Variants in PTPRJ observed in about 807,000 individuals in gnomAD.
PTPRJ encodes the protein receptor-type tyrosine-protein phosphatase eta.
A neutral mutation model predicts 141.3 loss-of-function variants in PTPRJ; 129 were observed. The ratio of observed to expected loss-of-function variants is 0.91; its 90% CI spans 0.79 to 1.06. The LOEUF (loss-of-function observed/expected upper bound fraction) is 1.06. Ranked by LOEUF, PTPRJ falls within the 50% of genes least tolerant of loss-of-function variation. The pLI is 0.00. For missense variants in PTPRJ, 1,601 were observed against 1,679.7 expected (o/e 0.95, Z 0.82); for synonymous variants, 610 against 640.5 (o/e 0.95, Z 0.72).
chr11:48,085,987 G>A (rs1855695985), intron 1 of PTPRJ, among the ~76,000 whole-genome samples: 1 of 152,046 alleles, frequency 6.6e-6, no homozygotes, highest in African/African-American at 2.4e-5. Context: ...GTAAGAAAAT[G>A]GGTTGAGTCT....
intron 1 of PTPRJ, among the ~76,000 whole-genome samples, chr11:48,038,584 C>T (rs542927031): frequency 1.3e-5 from 2 of 151,992 alleles, no homozygotes; most frequent in South Asian, 2.1e-4. Context: ...CTCCGCCTCC[C>T]GGATTCAAGT....
intron 1 of PTPRJ, among the ~76,000 whole-genome samples, chr11:48,076,219 G>A (rs908393255): frequency 6.6e-6 from 1 of 152,156 alleles, no homozygotes; most frequent in African/African-American, 2.4e-5. Context: ...TGTGGCTGGG[G>A]TACCTTACAC....
At chr11:48,163,689 C>G in intron 23 of PTPRJ, 71 bp downstream of exon 23, 1 of 1,485,606 alleles carries the variant, frequency 6.7e-7, no homozygotes, top group Non-Finnish European at 9.3e-7. Flanking sequence ...TTTACAAAAG[C>G]AAAGCCTAAG....
intron 1 of PTPRJ, among the ~76,000 whole-genome samples, chr11:48,011,812 T>C (rs547130646): frequency 6.6e-6 from 1 of 152,172 alleles, no homozygotes; most frequent in Non-Finnish European, 1.5e-5. Context: ...CAGGCACATG[T>C]CACCACACCT....
chr11:48,161,180 C>CAAAAAA (rs71045549), intron 22 of PTPRJ, among the ~76,000 whole-genome samples: 1,090 of 67,636 alleles, frequency 0.016, 118 homozygotes, highest in African/African-American at 0.051. Context: ...GACCCGGTCT[C>CAAAAAA]AAAAAAAAAA....
At chr11:48,110,183 C>T (rs1455404651) in intron 2 of PTPRJ, 107 bp downstream of exon 2, 1 of 1,240,268 alleles carries the variant, frequency 8.1e-7, no homozygotes, top group South Asian at 1.4e-5. Flanking sequence ...AAAACCTGCT[C>T]GGTTTCCAAT....
At chr11:48,165,626 G>A (rs10838814) in intron 24 of PTPRJ, among the ~76,000 whole-genome samples, 106,178 of 151,992 alleles carry the variant, frequency 0.7, 37,938 homozygotes, top group South Asian at 0.79. Flanking sequence ...GGTACATTGC[G>A]TGCTCTGGGG....
At chr11:48,003,767 A>G (rs2134192780) in intron 1 of PTPRJ, among the ~76,000 whole-genome samples, 5 of 152,290 alleles carry the variant, frequency 3.3e-5, no homozygotes, top group Admixed American at 3.3e-4. Context: ...AAGTGTTGGG[A>G]TTACAGGCGT....
At chr11:48,006,380 A>G (rs1244378106) in intron 1 of PTPRJ, among the ~76,000 whole-genome samples, 1 of 151,924 alleles carries the variant, frequency 6.6e-6, no homozygotes, top group Non-Finnish European at 1.5e-5. Flanking sequence ...CTCATAATCT[A>G]GGGGCGGGGA....
intron 23 of PTPRJ, 21 bp downstream of exon 23, chr11:48,163,639 G>A (rs774644641): frequency 3.7e-5 from 59 of 1,599,846 alleles, no homozygotes; most frequent in Middle Eastern, 1.7e-4. Flanking sequence ...GGCACGTCAC[G>A]TGTGACAGAT....
chr11:48,035,788 A>G (rs1230586764), intron 1 of PTPRJ, among the ~76,000 whole-genome samples: 1 of 151,870 alleles, frequency 6.6e-6, no homozygotes, highest in Admixed American at 6.6e-5. Flanking sequence ...GGTTAATTAT[A>G]CTGCTCTGAA....
chr11:48,140,308 A>G (rs1212054586), intron 11 of PTPRJ, among the ~76,000 whole-genome samples: 1 of 152,166 alleles, frequency 6.6e-6, no homozygotes, highest in African/African-American at 2.4e-5. Context: ...GGGATTACCC[A>G]CGTGAGCCAC....
chr11:48,136,227 T>C lies in PTPRJ; in HGVS notation c.1804T>C (p.Tyr602His). The change falls in exon 9 of 25, where the codon TAT becomes CAT. Residue 602 changes from tyrosine (Y) to histidine (H), a missense_variant. By Grantham distance (83) the Tyr-to-His change is moderately conservative (BLOSUM62 2). Coordinates refer to ENST00000418331, the MANE Select transcript of PTPRJ (RefSeq NM_002843.4). ...CCAGGGCCTGATTCCGGGCACCTTA[T>C]ATAACATCACCATCTCTCCAGAAGT... is the stretch of plus-strand genomic sequence containing the variant. ...TLQGLIPGTL[Y>H]NITISPEVDH... is the part of the protein sequence containing the mutation. 3 of 1,614,214 alleles carry C rather than the reference T, an allele frequency of 1.9e-6. No homozygotes were observed. The highest frequency in any genetic ancestry group is 2.5e-6 in the Non-Finnish European group (3 of 1,180,042).
At chr11:48,050,060 G>A (rs1854523755) in intron 1 of PTPRJ, among the ~76,000 whole-genome samples, 1 of 152,132 alleles carries the variant, frequency 6.6e-6, no homozygotes, top group Non-Finnish European at 1.5e-5. Flanking sequence ...TATAGTCAGC[G>A]GAACATTCCT....
intron 1 of PTPRJ, among the ~76,000 whole-genome samples, chr11:48,056,424 T>G (rs1854752782): frequency 6.6e-6 from 1 of 152,186 alleles, no homozygotes; most frequent in Admixed American, 6.6e-5. Flanking sequence ...TTCAGTGAGT[T>G]GTTGCGTGTA....
In PTPRJ at chr11:48,158,911, C is replaced by T. The variant is rs1352409680; in HGVS notation, c.3439-1019C>T. Among the ~76,000 whole-genome samples, 2 of 152,088 alleles carry T rather than the reference C, an allele frequency of 1.3e-5. No individual in the cohort carries two copies. Among genetic ancestry groups the T allele is most frequent in the African/African-American group, 2.4e-5 (1 of 41,398 alleles). On this transcript the variant is annotated intron_variant, in intron 21 of 24. Transcript: ENST00000418331. This position sits in a 1 kb window ranked among gnomAD's most constrained non-coding sequence, Gnocchi z 4.4. ...AGGCTGCAGTGAGCCGTGATCGTGCCATTGTACCCCAGCTTGTATGACAGA... is the reference window on the plus strand; with the variant it reads ...AGGCTGCAGTGAGCCGTGATCGTGCTATTGTACCCCAGCTTGTATGACAGA...
At position 48,127,953 on chromosome 11, in the gene PTPRJ, G is replaced by A. The variant is rs201570482; in HGVS notation, c.1267G>A (p.Gly423Arg). ...NVSEPRAVIP[G>R]LRSSTFYNIT... ...CAGTGAGCCTCGCGCTGTCATCCCC[G>A]GACTCCGCTCCAGCACCTTCTACAA... Residue 423 changes from glycine to arginine, a missense_variant, in exon 7 of 25, where the codon GGA (glycine) becomes AGA (arginine). Transcript: ENST00000418331. The A allele has an allele frequency of 1.2e-5, 20 of 1,614,112 alleles. No homozygotes were observed. Among genetic ancestry groups the A allele is most frequent in the African/African-American group, 1.3e-5 (1 of 75,022 alleles).
intron 1 of PTPRJ, among the ~76,000 whole-genome samples, chr11:48,097,624 G>A (rs58514382): frequency 0.021 from 3,133 of 151,492 alleles, 110 homozygotes; most frequent in African/African-American, 0.072. Flanking sequence ...TGCAACCTCC[G>A]CCTCCCGGGT....
intron 1 of PTPRJ, among the ~76,000 whole-genome samples, chr11:48,096,046 C>G (rs1565300680): frequency 6.6e-6 from 1 of 152,214 alleles, no homozygotes; most frequent in Non-Finnish European, 1.5e-5. Flanking sequence ...TCAAACTCAG[C>G]CCTGACTCCC....
Sources: allele counts gnomAD v4.1 joint callset (sites outside exome capture counted in the v4.1 genomes callset), GRCh38; gene constraint gnomAD v4.1.1; non-coding constraint Gnocchi (gnomAD v3.1); transcripts MANE v1.5; gene names NCBI Gene and HGNC (gene_info 2026-07-23, HGNC 2026-07-21).